The following AOPEP variants were observed in gnomAD, a reference collection of about 807,000 sequenced individuals.
AOPEP encodes aminopeptidase O.
A neutral mutation model predicts 98.1 loss-of-function variants in AOPEP; 77 were observed. The ratio of observed to expected loss-of-function variants is 0.78; its 90% CI spans 0.65 to 0.95. AOPEP has a LOEUF of 0.95. Ranked by LOEUF, AOPEP falls within the 40% of genes least tolerant of loss-of-function variation. AOPEP has a pLI of 0.00. For synonymous variants in AOPEP, 346 were observed against 365.3 expected, an observed-to-expected ratio of 0.95 and a Z score of 0.60; for missense variants, 1,024 against 1,024.7, an observed-to-expected ratio of 1.00 and a Z score of 0.01.
intron 5 of AOPEP, among the ~76,000 whole-genome samples, chr9:94,830,093 T>C (rs536648931): frequency 2.6e-5 from 4 of 152,320 alleles, no homozygotes; most frequent in Admixed American, 6.5e-5. Flanking sequence ...GTTTGTTACA[T>C]AGGTAAACGT....
Position 95,086,993 on chromosome 9 carries a change from C to G in AOPEP, c.*316C>G, listed in dbSNP as rs2070763849. ...TATCCAAGAGACATTGGAAAACCTG[C>G]TGAACATTTTACATTGGTCTGCTCA... On this transcript the variant is annotated 3_prime_UTR_variant, in exon 17 of 17. Coordinates refer to ENST00000375315, the MANE Select transcript of AOPEP (RefSeq NM_001193329.3). 1 of 972,270 alleles carries G rather than the reference C, an allele frequency of 1.0e-6. No homozygotes were observed. Among genetic ancestry groups the G allele is most frequent in the South Asian group, 4.7e-5 (1 of 21,060 alleles). 60.2% of individuals were successfully genotyped at this position (972,270 alleles called of 1,614,324 possible).
chr9:95,026,713 G>A (rs913097981), intron 13 of AOPEP, among the ~76,000 whole-genome samples: 3 of 152,180 alleles, frequency 2.0e-5, no homozygotes, highest in Admixed American at 6.5e-5. Flanking sequence ...TAGGAGTCAC[G>A]TAAGTTGAGT....
At chr9:94,804,058 T>C (rs1848730715) in intron 5 of AOPEP, among the ~76,000 whole-genome samples, 1 of 152,230 alleles carries the variant, frequency 6.6e-6, no homozygotes, top group South Asian at 2.1e-4. Context: ...ACTGTTTTCA[T>C]TGTGTCCTCG....
At chr9:94,901,492 GA>G (rs1476628130) in intron 5 of AOPEP, among the ~76,000 whole-genome samples, 1 of 151,916 alleles carries the variant, frequency 6.6e-6, no homozygotes. Flanking sequence ...TTTCTCTCCT[GA>G]TTGTCGGATT....
At chr9:94,949,776 AAAAC>A (rs1228284493) in intron 7 of AOPEP, among the ~76,000 whole-genome samples, 2 of 152,258 alleles carry the variant, frequency 1.3e-5, no homozygotes, top group Non-Finnish European at 2.9e-5. Context: ...ATTGTCACCG[AAAAC>A]AAACAGTGGA....
At chr9:95,101,618 A>G in the AOPEP span, 2 of 1,547,166 alleles carry the variant, frequency 1.3e-6, no homozygotes, top group Non-Finnish European at 1.8e-6. Context: ...CACTTACTCC[A>G]CAAATGCGTG....
the AOPEP span, chr9:95,101,380 C>T: frequency 2.4e-6 from 1 of 421,010 alleles, no homozygotes; most frequent in African/African-American, 1.9e-5. Context: ...TGCAGCTTGA[C>T]TTGGGTAAAA....
At chr9:94,934,315 C>CTTT (rs974551445) in intron 7 of AOPEP, among the ~76,000 whole-genome samples, 6 of 116,736 alleles carry the variant, frequency 5.1e-5, no homozygotes, top group Non-Finnish European at 8.3e-5. Context: ...CTTCTCCCAT[C>CTTT]TTTTTTTTTT....
chr9:94,870,421 G>A (rs1387619247), intron 5 of AOPEP, among the ~76,000 whole-genome samples: 1 of 152,148 alleles, frequency 6.6e-6, no homozygotes, highest in Non-Finnish European at 1.5e-5. Flanking sequence ...ATGCTGAGTG[G>A]CTTACATACA....
intron 13 of AOPEP, chr9:95,048,974 C>T (rs957284005): frequency 6.6e-6 from 1 of 152,168 alleles, no homozygotes; most frequent in East Asian, 1.9e-4. Context: ...GACGGGACCT[C>T]GCCTGCACTG....
the AOPEP span, among the ~76,000 whole-genome samples, chr9:95,122,777 G>A: frequency 4.6e-5 from 7 of 152,190 alleles, no homozygotes; most frequent in African/African-American, 9.7e-5. Context: ...GGTGTGCTCC[G>A]CGAGGCCACA....
At chr9:95,081,456 A>T (rs1483525574) in intron 15 of AOPEP, among the ~76,000 whole-genome samples, 1 of 152,176 alleles carries the variant, frequency 6.6e-6, no homozygotes, top group African/African-American at 2.4e-5. Context: ...CACTGTGGGT[A>T]ACAGCATGGA....
intron 5 of AOPEP, among the ~76,000 whole-genome samples, chr9:94,838,925 T>TC: frequency 6.9e-6 from 1 of 145,152 alleles, no homozygotes; most frequent in East Asian, 2.0e-4. Flanking sequence ...TTTTTTTTTT[T>TC]TTTTTGAGAT....
chr9:95,082,648 G>A lies in AOPEP; in HGVS notation c.2393G>A (p.Cys798Tyr). Reference protein sequence around the residue: ...DARQQQLARRCFERTKEQMDR... With the variant: ...DARQQQLARRYFERTKEQMDR... Reference sequence around the variant, plus strand: ...AGACAGCAGCAGCTCGCCCGTAGGTGCTTCGAGCGGACCAAGGAGCAGATG... The same window carrying A: ...AGACAGCAGCAGCTCGCCCGTAGGTACTTCGAGCGGACCAAGGAGCAGATG... The change falls in exon 16 of 17, where the codon TGC becomes TAC. Residue 798 changes from cysteine to tyrosine, a missense_variant. Physicochemically the swap from Cys to Tyr is radical, Grantham distance 194 (BLOSUM62 -2). Around this residue, in one of 3 missense-constraint regions of AOPEP, gnomAD observed 566 missense variants for 551.7 expected, o/e 1.03. Coordinates refer to ENST00000375315, the MANE Select transcript of AOPEP (RefSeq NM_001193329.3). The A allele has an allele frequency of 4.3e-6, 7 of 1,614,226 alleles. No individual in the cohort carries two copies. The highest frequency in any genetic ancestry group is 5.1e-6 in the Non-Finnish European group (6 of 1,180,030).
At chr9:95,128,488 G>C in the AOPEP span, among the ~76,000 whole-genome samples, 2 of 152,318 alleles carry the variant, frequency 1.3e-5, no homozygotes, top group South Asian at 4.1e-4. Context: ...CTATAGGTTT[G>C]ATGCTAGTAG....
At chr9:94,822,240 T>G (rs1016235600) in intron 5 of AOPEP, among the ~76,000 whole-genome samples, 8 of 152,206 alleles carry the variant, frequency 5.3e-5, no homozygotes, top group Non-Finnish European at 1.2e-4. Flanking sequence ...TTTAAGGATG[T>G]GTTGATCTTG....
chr9:94,979,494 A>G (rs888188270), intron 11 of AOPEP, 67 bp downstream of exon 11: 4 of 948,930 alleles, frequency 4.2e-6, no homozygotes, highest in East Asian at 2.5e-5. Flanking sequence ...TAGCACATCA[A>G]TCATGACAGT....
intron 3 of AOPEP, among the ~76,000 whole-genome samples, chr9:94,785,394 G>A (rs896783042): frequency 2.0e-5 from 3 of 152,152 alleles, no homozygotes; most frequent in Admixed American, 6.5e-5. Flanking sequence ...TTGTCAATAC[G>A]TCATACGATA....
chr9:95,057,961 A>C (rs2066977106), intron 13 of AOPEP, among the ~76,000 whole-genome samples: 2 of 152,126 alleles, frequency 1.3e-5, no homozygotes, highest in Non-Finnish European at 2.9e-5. Context: ...CTCAAATTAG[A>C]GTCAGTCAGT....
Sources: gnomAD v4.1 joint callset for allele counts (sites outside exome capture counted in the v4.1 genomes callset) on GRCh38, gnomAD v4.1.1 for gene constraint, gnomAD v4.1.1 regional missense constraint, MANE v1.5 for transcripts, NCBI Gene and HGNC (gene_info 2026-07-23, HGNC 2026-07-21) for gene names.